The following YTHDF3 variants were observed in gnomAD, a reference collection of about 807,000 sequenced individuals.
The protein encoded by YTHDF3 is YTH N6-methyladenosine RNA binding protein F3, also known as YTH domain-containing family protein 3.
YTHDF3 carries 9 observed loss-of-function variants against 52.5 expected under a neutral mutation model. The ratio of observed to expected loss-of-function variants is 0.17; its 90% CI spans 0.10 to 0.30. YTHDF3 has a LOEUF of 0.30. Among genes scored for constraint, YTHDF3 ranks in the 10% least tolerant of loss-of-function variants. The probability of loss-of-function intolerance (pLI) is 1.00; values close to 1 mark genes in which losing one functional copy is unlikely to be tolerated. For synonymous variants in YTHDF3, 274 were observed against 243.3 expected, an observed-to-expected ratio of 1.13 and a Z score of -1.18; for missense variants, 534 against 715.0, an observed-to-expected ratio of 0.75 and a Z score of 2.89.
chr8:63,171,957 T>TC (rs1807356610), intron 2 of YTHDF3, among the ~76,000 whole-genome samples: 1 of 152,212 alleles, frequency 6.6e-6, no homozygotes, highest in Admixed American at 6.5e-5. Flanking sequence ...CTTAATTACT[T>TC]AATTCATTAC....
At chr8:63,173,698 T>C in intron 2 of YTHDF3, 2 of 985,312 alleles carry the variant, frequency 2.0e-6, no homozygotes, top group Non-Finnish European at 2.4e-6. Context: ...CAGAATCTCT[T>C]GGACTGAAAT....
Position 63,168,821 on chromosome 8 carries a change from GCA to G in YTHDF3, c.-55_-54del, listed in dbSNP as rs1048704922. 4.1e-5 allele frequency: 64 copies of G among 1,551,144 alleles called. No homozygotes were observed. The highest frequency in any genetic ancestry group is 2.5e-4 in the South Asian group (21 of 84,096). On this transcript the variant is annotated 5_prime_UTR_variant, in exon 1 of 5. Coordinates refer to ENST00000539294, the MANE Select transcript of YTHDF3 (RefSeq NM_152758.6). ...AGGGCGACAGCCAACTGCTGTGAGT[GCA>G]CGGGGAGAGGCCCAGGCAGCGGCGG...
intron 3 of YTHDF3, among the ~76,000 whole-genome samples, chr8:63,177,989 G>A (rs1037344862): frequency 1.3e-5 from 2 of 151,976 alleles, no homozygotes; most frequent in Non-Finnish European, 2.9e-5. Flanking sequence ...AACTCCTGAC[G>A]TCAAGTGATC....
intron 3 of YTHDF3, among the ~76,000 whole-genome samples, chr8:63,183,684 A>G (rs1418923152): frequency 6.6e-6 from 1 of 152,204 alleles, no homozygotes; most frequent in Non-Finnish European, 1.5e-5. Context: ...CTAATTATCC[A>G]TTATAGCTGA....
chr8:63,188,425 C>G (rs1291161370), intron 4 of YTHDF3, among the ~76,000 whole-genome samples: 3 of 150,976 alleles, frequency 2.0e-5, no homozygotes, highest in African/African-American at 4.8e-5. Flanking sequence ...CTGCTGGGCT[C>G]AAGTGATCCT....
chr8:63,196,579 A>G (rs1490777870), intron 4 of YTHDF3, among the ~76,000 whole-genome samples: 1 of 151,914 alleles, frequency 6.6e-6, no homozygotes, highest in Non-Finnish European at 1.5e-5. Context: ...AAAAAAAAGA[A>G]TAAAAAAGGA....
chr8:63,180,529 A>C (rs1270552230), intron 3 of YTHDF3, among the ~76,000 whole-genome samples: 3 of 138,534 alleles, frequency 2.2e-5, no homozygotes, highest in Non-Finnish European at 3.2e-5. Flanking sequence ...ATCCCAGACG[A>C]TGGGCGGCCG....
In YTHDF3 at chr8:63,169,074, C is replaced by T. The variant is rs537102734; in HGVS notation, c.24+173C>T. On this transcript the variant is annotated intron_variant, in intron 1 of 4. Transcript: ENST00000539294. Reference sequence around the variant, plus strand: ...CGGGGCGTGCGCCCTGGCCCCGTAGCTTGCGGGCGGGCGGGCGCGGTGCCG... The same window carrying T: ...CGGGGCGTGCGCCCTGGCCCCGTAGTTTGCGGGCGGGCGGGCGCGGTGCCG... 5.4e-4 allele frequency: 753 copies of T among 1,389,552 alleles called. 3 individuals carry two copies. The African/African-American group carries it at 9.8e-3, about 18-fold the overall frequency. 86.1% of individuals were successfully genotyped at this position (1,389,552 alleles called of 1,614,324 possible).
intron 4 of YTHDF3, among the ~76,000 whole-genome samples, chr8:63,209,130 A>ATTTG (rs1413430005): frequency 6.6e-6 from 1 of 152,102 alleles, no homozygotes; most frequent in Non-Finnish European, 1.5e-5. Flanking sequence ...GGCCTCCCAG[A>ATTTG]GTGCTGGGAT....
intron 3 of YTHDF3, among the ~76,000 whole-genome samples, chr8:63,180,886 A>G (rs1473868243): frequency 2.6e-5 from 4 of 152,246 alleles, no homozygotes; most frequent in Admixed American, 6.5e-5. Flanking sequence ...AGGCAGGAGA[A>G]TCAGGCAGGG....
chr8:63,208,413 A>G (rs1810175763), intron 4 of YTHDF3, among the ~76,000 whole-genome samples: 1 of 152,240 alleles, frequency 6.6e-6, no homozygotes, highest in Non-Finnish European at 1.5e-5. Flanking sequence ...TCATGCAAAA[A>G]TAAAATGAGA....
Position 63,211,712 on chromosome 8 carries a change from T to C in YTHDF3, c.*2006T>C, listed in dbSNP as rs1243575717. Reference sequence around the variant, plus strand: ...ATTAGGTTTTTATGTAAGAGTGTCATGGAAGCACTCAGCAAGCAGGCTGAT... The same window carrying C: ...ATTAGGTTTTTATGTAAGAGTGTCACGGAAGCACTCAGCAAGCAGGCTGAT... On this transcript the variant is annotated 3_prime_UTR_variant, in exon 5 of 5. Coordinates refer to ENST00000539294, the MANE Select transcript of YTHDF3 (RefSeq NM_152758.6). The C allele has an allele frequency of 6.6e-6, 1 of 152,572 alleles. No individual in the cohort carries two copies. The highest frequency in any genetic ancestry group is 1.5e-5 in the Non-Finnish European group (1 of 67,992). The allele number at this position is 152,572 out of a possible 1,614,324, so 9.5% of individuals were successfully genotyped here. A position where few individuals can be genotyped will look rare whatever the true frequency, so the allele number is the denominator to read the frequency against.
intron 3 of YTHDF3, among the ~76,000 whole-genome samples, chr8:63,176,317 T>C (rs1019646689): frequency 6.6e-6 from 1 of 152,368 alleles, no homozygotes; most frequent in Admixed American, 6.5e-5. Context: ...AGTCTCGCTC[T>C]GTCGCCCAGG....
intron 1 of YTHDF3, chr8:63,169,133 C>T (rs1381969283): frequency 3.5e-6 from 5 of 1,436,550 alleles, no homozygotes; most frequent in Non-Finnish European, 4.6e-6. Context: ...TCTTAGGGGC[C>T]TTAGGACAGA....
intron 4 of YTHDF3, among the ~76,000 whole-genome samples, chr8:63,208,839 T>C (rs888966160): frequency 6.6e-6 from 1 of 152,152 alleles, no homozygotes; most frequent in Admixed American, 6.5e-5. Flanking sequence ...TCGACTGAAT[T>C]TGTCTAACAC....
In YTHDF3 at chr8:63,168,674, G is replaced by C; in HGVS notation, c.-204G>C. ...GACCCGAGAAGCAGAGAGCGAGAGG[G>C]GGAAGAGGAGCGTGCAAGCGGAAAA... On this transcript the variant is annotated 5_prime_UTR_variant, in exon 1 of 5. Coordinates refer to ENST00000539294, the MANE Select transcript of YTHDF3 (RefSeq NM_152758.6). The C allele has an allele frequency of 1.1e-6, 1 of 903,818 alleles. No homozygotes were observed. The allele number at this position is 903,818 out of a possible 1,614,324, so 56.0% of individuals were successfully genotyped here. A position where few individuals can be genotyped will look rare whatever the true frequency, so the allele number is the denominator to read the frequency against.
rs925927058 is a variant in YTHDF3 at position 63,172,662 on chromosome 8, CATG to C, written c.50-2665_50-2663del. ...GTCGCTGTTTTTGTAGGTGGGGAAA[CATG>C]ATGCACAGATCTGTTGACTTTCCTA... On this transcript the variant is annotated intron_variant, in intron 2 of 4. Coordinates refer to ENST00000539294, the MANE Select transcript of YTHDF3 (RefSeq NM_152758.6). The C allele has an allele frequency of 2.3e-5, 16 of 684,330 alleles. No individual in the cohort carries two copies. The African/African-American group carries it at 2.8e-4, about 12-fold the overall frequency. 42.4% of individuals were successfully genotyped at this position (684,330 alleles called of 1,614,324 possible).
chr8:63,206,665 T>C (rs191279700), intron 4 of YTHDF3, among the ~76,000 whole-genome samples: 32 of 152,332 alleles, frequency 2.1e-4, no homozygotes, highest in Admixed American at 8.5e-4. Flanking sequence ...ATTAACATTT[T>C]CATTTACTAA....
At chr8:63,197,604 G>A (rs947590713) in intron 4 of YTHDF3, among the ~76,000 whole-genome samples, 2 of 152,148 alleles carry the variant, frequency 1.3e-5, no homozygotes, top group African/African-American at 4.8e-5. Flanking sequence ...GTGGCTTGTA[G>A]TACGGGAGAG....
Sources: gnomAD v4.1 joint callset for allele counts (sites outside exome capture counted in the v4.1 genomes callset) on GRCh38, gnomAD v4.1.1 for gene constraint, MANE v1.5 for transcripts, NCBI Gene and HGNC (gene_info 2026-07-23, HGNC 2026-07-21) for gene names.